ALK: variants seen among roughly 807,000 people sequenced by gnomAD.
ALK encodes the protein ALK tyrosine kinase receptor.
A neutral mutation model predicts 163.1 loss-of-function variants in ALK; 74 were observed. That is an observed-to-expected ratio of 0.45 (90% CI 0.38 to 0.55). The LOEUF is 0.55. ALK is among the 20% of genes least tolerant of loss of function. ALK has a pLI of 0.00. For synonymous variants in ALK, 960 were observed against 843.2 expected, an observed-to-expected ratio of 1.14 and a Z score of -2.40; for missense variants, 2,063 against 2,105.3, an observed-to-expected ratio of 0.98 and a Z score of 0.39.
At chr2:29,232,153 G>GCCCT (rs1664228532) in intron 15 of ALK, 151 bp downstream of exon 15, 6 of 1,137,792 alleles carry the variant, frequency 5.3e-6, no homozygotes, top group East Asian at 4.8e-5. Context: ...GGTGCTGCCT[G>GCCCT]CCCTCCCTCC....
intron 4 of ALK, among the ~76,000 whole-genome samples, chr2:29,410,795 G>A (rs906023219): frequency 6.6e-6 from 1 of 152,234 alleles, no homozygotes; most frequent in Non-Finnish European, 1.5e-5. Flanking sequence ...GTGAGTCAGT[G>A]AGGAGTGGTG....
chr2:29,320,200 G>T (rs1666978735), intron 7 of ALK, among the ~76,000 whole-genome samples: 1 of 152,238 alleles, frequency 6.6e-6, no homozygotes, highest in South Asian at 2.1e-4. Context: ...CAGACACGCA[G>T]GGTTTGTGGG....
At chr2:29,835,189 C>CT (rs1398924482) in intron 1 of ALK, among the ~76,000 whole-genome samples, 2 of 152,084 alleles carry the variant, frequency 1.3e-5, no homozygotes, top group South Asian at 2.1e-4. Flanking sequence ...TTTTGATGCT[C>CT]TTTTTTTCAT....
intron 4 of ALK, among the ~76,000 whole-genome samples, chr2:29,529,041 G>T (rs1673042592): frequency 6.6e-6 from 1 of 152,138 alleles, no homozygotes; most frequent in African/African-American, 2.4e-5. Flanking sequence ...TGCTTTCCAG[G>T]CAACCAGGAA....
chr2:29,469,760 T>C (rs1671301751), intron 4 of ALK, among the ~76,000 whole-genome samples: 1 of 152,138 alleles, frequency 6.6e-6, no homozygotes, highest in South Asian at 2.1e-4. Context: ...TTCACAGCCC[T>C]AAATCATCAA....
intron 11 of ALK, among the ~76,000 whole-genome samples, chr2:29,257,117 A>G (rs1433352926): frequency 1.3e-5 from 2 of 151,952 alleles, no homozygotes; most frequent in Non-Finnish European, 2.9e-5. Context: ...AGCCCTATGG[A>G]GCTGTAGGAT....
chr2:29,758,517 A>T (rs1370082668), intron 1 of ALK, among the ~76,000 whole-genome samples: 1 of 152,176 alleles, frequency 6.6e-6, no homozygotes, highest in Non-Finnish European at 1.5e-5. Flanking sequence ...GATGTATCAG[A>T]GATGAACAGG....
At chr2:29,217,112 G>T (rs1345231952) in intron 23 of ALK, among the ~76,000 whole-genome samples, 6 of 87,520 alleles carry the variant, frequency 6.9e-5, no homozygotes, top group African/African-American at 2.7e-4. Context: ...GTGTGTCTGT[G>T]GGGGGGGGGC....
At chr2:29,492,570 T>A (rs1376529654) in intron 4 of ALK, among the ~76,000 whole-genome samples, 1 of 152,140 alleles carries the variant, frequency 6.6e-6, no homozygotes, top group East Asian at 1.9e-4. Context: ...CTGCACACGG[T>A]CAGTAGGTGT....
chr2:29,479,248 C>G (rs902562211), intron 4 of ALK, among the ~76,000 whole-genome samples: 4 of 152,150 alleles, frequency 2.6e-5, no homozygotes, highest in African/African-American at 9.7e-5. Context: ...AGACCCTATC[C>G]TGAGCTTTCT....
chr2:29,303,706 AAAAG>A (rs1471203996), intron 8 of ALK, among the ~76,000 whole-genome samples: 1 of 152,232 alleles, frequency 6.6e-6, no homozygotes. Flanking sequence ...AGAGCCATAA[AAAAG>A]AAAGAAGTCA....
intron 1 of ALK, among the ~76,000 whole-genome samples, chr2:29,852,270 T>C (rs1489875225): frequency 6.6e-6 from 1 of 152,094 alleles, no homozygotes; most frequent in Non-Finnish European, 1.5e-5. Context: ...TTCCCCCAGG[T>C]GACAATCAGA....
At chr2:29,874,764 G>T (rs191805247) in intron 1 of ALK, among the ~76,000 whole-genome samples, 4 of 152,090 alleles carry the variant, frequency 2.6e-5, no homozygotes, top group Non-Finnish European at 5.9e-5. Flanking sequence ...ATATCAGAGG[G>T]GCCTTTGTAA....
At chr2:29,546,122 G>C (rs1220945026) in intron 3 of ALK, among the ~76,000 whole-genome samples, 1 of 152,124 alleles carries the variant, frequency 6.6e-6, no homozygotes, top group Non-Finnish European at 1.5e-5. Context: ...ATGTGTGGAG[G>C]AGTACGTTTT....
At chr2:29,571,946 C>T (rs145285176) in intron 3 of ALK, among the ~76,000 whole-genome samples, 143 of 152,238 alleles carry the variant, frequency 9.4e-4, no homozygotes, top group Admixed American at 1.6e-3. Context: ...TGAGAACAGA[C>T]TAATACCATG....
At chr2:29,570,760 C>G (rs1020849190) in intron 3 of ALK, among the ~76,000 whole-genome samples, 2 of 152,128 alleles carry the variant, frequency 1.3e-5, no homozygotes, top group African/African-American at 4.8e-5. Flanking sequence ...AGCAGGGTTC[C>G]CTGGCAGAGG....
At chr2:29,664,183 A>G (rs1361417068) in intron 3 of ALK, among the ~76,000 whole-genome samples, 3 of 152,138 alleles carry the variant, frequency 2.0e-5, no homozygotes, top group Non-Finnish European at 2.9e-5. Context: ...ATCTACAACA[A>G]AAGTGGCAAT....
At chr2:29,812,678 CT>C (rs1664788531) in intron 1 of ALK, among the ~76,000 whole-genome samples, 3 of 152,194 alleles carry the variant, frequency 2.0e-5, no homozygotes, top group Admixed American at 2.0e-4. Context: ...ATAAGAACCC[CT>C]GATCTGGCTG....
intron 3 of ALK, among the ~76,000 whole-genome samples, chr2:29,602,248 TG>T (rs1238625872): frequency 6.6e-6 from 1 of 152,156 alleles, no homozygotes; most frequent in Non-Finnish European, 1.5e-5. Flanking sequence ...ATGGCTCATT[TG>T]CCCCAGGGAG....
Sources: gnomAD v4.1 joint callset for allele counts (sites outside exome capture counted in the v4.1 genomes callset) on GRCh38, gnomAD v4.1.1 for gene constraint, MANE v1.5 for transcripts, NCBI Gene and HGNC (gene_info 2026-07-23, HGNC 2026-07-21) for gene names.